Variants in OTOF observed in about 807,000 individuals in gnomAD.
OTOF encodes fer-1-like family member 2.
OTOF carries 218 observed loss-of-function variants against 236.8 expected under a neutral mutation model. The ratio of observed to expected loss-of-function variants is 0.92; its 90% CI spans 0.82 to 1.03. OTOF has a LOEUF of 1.03. Among genes scored for constraint, OTOF ranks in the 50% least tolerant of loss-of-function variants. The pLI, the probability that OTOF is intolerant of heterozygous loss-of-function variation, is 0.00. For synonymous variants in OTOF, 1,041 were observed against 1,072.5 expected, an observed-to-expected ratio of 0.97 and a Z score of 0.57; for missense variants, 2,590 against 2,694.4, an observed-to-expected ratio of 0.96 and a Z score of 0.86.
At chr2:26,459,552 CAAAAAAAAAAA>C (rs58695074) in intron 46 of OTOF, among the ~76,000 whole-genome samples, 4 of 69,118 alleles carry the variant, frequency 5.8e-5, no homozygotes, top group South Asian at 5.6e-4. Context: ...ACTCTGTCTC[CAAAAAAAAAAA>C]AAAAAAAAAA....
In OTOF at chr2:26,462,292, C is replaced by G; in HGVS notation, c.5193-111G>C. 1 of 950,320 alleles carries G rather than the reference C, an allele frequency of 1.1e-6. No individual in the cohort carries two copies. Among genetic ancestry groups the G allele is most frequent in the Non-Finnish European group, 1.7e-6 (1 of 584,906 alleles). The allele number at this position is 950,320 out of a possible 1,614,324, so 58.9% of individuals were successfully genotyped here. ...AAGCCCTGGGGTCTTGGGGTCAGCA[C>G]AGGGCCTGGGCCAGGCTGGGGCTGG... is the stretch of plus-strand genomic sequence containing the variant. On this transcript the variant is annotated intron_variant, in intron 41 of 46. Coordinates refer to ENST00000272371, the MANE Select transcript of OTOF (RefSeq NM_194248.3). This position sits in a 1 kb window ranked among gnomAD's most constrained non-coding sequence, Gnocchi z 4.7.
intron 8 of OTOF, among the ~76,000 whole-genome samples, chr2:26,495,390 C>A (rs1261648181): frequency 6.6e-6 from 1 of 152,176 alleles, no homozygotes; most frequent in Non-Finnish European, 1.5e-5. Context: ...CACCTCCAGA[C>A]CAATCCAATC....
In OTOF at chr2:26,475,995, G is replaced by A. The variant is rs1665241605; in HGVS notation, c.2910C>T (p.Arg970=). ...FQLRAHMYQA[R]SLFAADSSGL... ...CGCTGCTGTCGGCGGCAAAGAGGCT[G>A]CGGGCCTGGTACATGTGCGCTCGGA... The change falls in exon 24 of 47, where the codon CGC becomes CGT. Residue 970 remains arginine, a synonymous_variant. Transcript: ENST00000272371. The A allele has an allele frequency of 1.9e-6, 3 of 1,612,612 alleles. No homozygotes were observed.
At chr2:26,527,737 C>G in intron 3 of OTOF, 95 bp downstream of exon 3, 2 of 895,820 alleles carry the variant, frequency 2.2e-6, no homozygotes, top group South Asian at 1.3e-5. Context: ...GAGTGTAGGT[C>G]CCCTTTTTAA....
chr2:26,512,821 C>T (rs1666423373), intron 5 of OTOF, among the ~76,000 whole-genome samples: 1 of 152,146 alleles, frequency 6.6e-6, no homozygotes, highest in East Asian at 1.9e-4. Context: ...GGCTGAGCAC[C>T]TGCCACATGC....
chr2:26,458,658 C>T (rs1456430271), intron 46 of OTOF, among the ~76,000 whole-genome samples: 1 of 152,218 alleles, frequency 6.6e-6, no homozygotes, highest in Admixed American at 6.5e-5. Context: ...GTGCAAGCTG[C>T]CCTCACCGAC....
At chr2:26,526,799 C>T (rs972847664) in intron 3 of OTOF, among the ~76,000 whole-genome samples, 37 of 152,228 alleles carry the variant, frequency 2.4e-4, no homozygotes, top group African/African-American at 8.2e-4. Flanking sequence ...GAGCTAACAC[C>T]TCCATACCTT....
At chr2:26,514,514 GC>G (rs1452552222) in intron 5 of OTOF, among the ~76,000 whole-genome samples, 1 of 152,224 alleles carries the variant, frequency 6.6e-6, no homozygotes, top group African/African-American at 2.4e-5. Context: ...TGAGAAACTG[GC>G]TCTGTGTTGC....
intron 5 of OTOF, among the ~76,000 whole-genome samples, chr2:26,513,029 G>C (rs1284123283): frequency 6.6e-6 from 1 of 152,148 alleles, no homozygotes; most frequent in East Asian, 1.9e-4. Flanking sequence ...CAGAAATCAG[G>C]GCTTCGTGGC....
Position 26,473,358 on chromosome 2 carries a change from T to G in OTOF, c.3570+48A>C, listed in dbSNP as rs1572420972. ...GGGCAGAGGAAGCCGGCTGGCTGAG[T>G]GGAGCCACACTGGCCACAGGATGTC... On this transcript the variant is annotated intron_variant, in intron 28 of 46. Coordinates refer to ENST00000272371, the MANE Select transcript of OTOF (RefSeq NM_194248.3). This position sits in a 1 kb window ranked among gnomAD's most constrained non-coding sequence, Gnocchi z 7.2. 6.2e-7 allele frequency: 1 copy of G among 1,612,806 alleles called. No homozygotes were observed. The highest frequency in any genetic ancestry group is 1.1e-5 in the South Asian group (1 of 91,076).
intron 5 of OTOF, among the ~76,000 whole-genome samples, chr2:26,515,148 G>A (rs1666490082): frequency 6.6e-6 from 1 of 152,232 alleles, no homozygotes; most frequent in Non-Finnish European, 1.5e-5. Flanking sequence ...TCCTTGCTAT[G>A]TCCTTCTTTG....
chr2:26,502,790 A>C (rs1207482760), intron 6 of OTOF, among the ~76,000 whole-genome samples: 1 of 152,210 alleles, frequency 6.6e-6, no homozygotes, highest in Non-Finnish European at 1.5e-5. Context: ...TCCAGGCACA[A>C]CACCAGGACT....
intron 8 of OTOF, among the ~76,000 whole-genome samples, chr2:26,495,878 T>C (rs1051419825): frequency 2.6e-5 from 4 of 152,254 alleles, no homozygotes; most frequent in Admixed American, 6.5e-5. Flanking sequence ...TTAACTTGCA[T>C]TTAATTTCCT....
chr2:26,521,498 TG>T (rs1462949080), intron 3 of OTOF, among the ~76,000 whole-genome samples: 2 of 152,216 alleles, frequency 1.3e-5, no homozygotes, highest in Admixed American at 6.5e-5. Flanking sequence ...TGAGAGACCT[TG>T]TCCAGCGCCC....
chr2:26,521,098 C>T (rs1473985265), intron 3 of OTOF, among the ~76,000 whole-genome samples: 1 of 152,148 alleles, frequency 6.6e-6, no homozygotes, highest in East Asian at 1.9e-4. Flanking sequence ...TGGCCCCGAC[C>T]CCAGGGCTCT....
At chr2:26,524,277 G>A (rs374231017) in intron 3 of OTOF, among the ~76,000 whole-genome samples, 1 of 152,232 alleles carries the variant, frequency 6.6e-6, no homozygotes. Context: ...GGAAGCTGAG[G>A]CAGGTCTATT....
intron 2 of OTOF, among the ~76,000 whole-genome samples, chr2:26,530,048 A>G (rs1666906249): frequency 6.6e-6 from 1 of 152,166 alleles, no homozygotes; most frequent in African/African-American, 2.4e-5. Context: ...CTCATCAGCC[A>G]GGGCGCTGTG....
intron 3 of OTOF, among the ~76,000 whole-genome samples, chr2:26,526,556 C>T (rs1331692622): frequency 1.3e-5 from 2 of 152,138 alleles, no homozygotes; most frequent in African/African-American, 4.8e-5. Context: ...ATGATTTTCC[C>T]TTTCAGGCTC....
Position 26,480,928 on chromosome 2 carries a change from T to A in OTOF, c.1661A>T (p.Asp554Val). ...ACCCTCCCCCAGGCCCTCGTTCAGGTCCTGATGCTCATCCAGCAGCGTGTA... is the reference window on the plus strand; with the variant it reads ...ACCCTCCCCCAGGCCCTCGTTCAGGACCTGATGCTCATCCAGCAGCGTGTA... ...RNYTLLDEHQ[D>V]LNEGLGEGVS... The change falls in exon 15 of 47, where the codon GAC becomes GTC. Residue 554 changes from aspartate to valine, a missense_variant. Asp to Val is a radical substitution (Grantham distance 152). This residue lies in a region of OTOF where 1,379 missense variants were observed against 1,341.6 expected (regional missense o/e 1.03). Transcript: ENST00000272371. 1 of 1,612,952 alleles carries A rather than the reference T, an allele frequency of 6.2e-7. No homozygotes were observed. The highest frequency in any genetic ancestry group is 2.2e-5 in the East Asian group (1 of 44,880).
Sources: allele counts gnomAD v4.1 joint callset (sites outside exome capture counted in the v4.1 genomes callset), GRCh38; gene constraint gnomAD v4.1.1; regional missense constraint gnomAD v4.1.1; non-coding constraint Gnocchi (gnomAD v3.1); transcripts MANE v1.5; gene names NCBI Gene and HGNC (gene_info 2026-07-23, HGNC 2026-07-21).